Variants in SMYD3 observed in about 807,000 individuals in gnomAD.
The protein encoded by SMYD3 is histone-lysine N-methyltransferase SMYD3.
SMYD3 carries 36 observed loss-of-function variants against 57.7 expected under a neutral mutation model. The observed-to-expected ratio is 0.62, with a 90% CI of 0.48 to 0.82. The LOEUF (loss-of-function observed/expected upper bound fraction) is 0.82. Ranked by LOEUF, SMYD3 falls within the 40% of genes least tolerant of loss-of-function variation. SMYD3 has a pLI of 0.00. For missense variants in SMYD3, 515 were observed against 538.8 expected (o/e 0.96, Z 0.44); for synonymous variants, 211 against 195.0 (o/e 1.08, Z -0.68).
At chr1:245,865,063 T>C (rs1054858372) in intron 8 of SMYD3, among the ~76,000 whole-genome samples, 7 of 152,234 alleles carry the variant, frequency 4.6e-5, no homozygotes, top group Admixed American at 2.0e-4. Flanking sequence ...CACATAGTAG[T>C]TGCTTACTCA....
chr1:246,059,113 T>C (rs1359607134), intron 5 of SMYD3, among the ~76,000 whole-genome samples: 28 of 152,166 alleles, frequency 1.8e-4, no homozygotes, highest in Non-Finnish European at 2.9e-5. Context: ...CCTGACCTTG[T>C]GATCCGCCTG....
At chr1:245,927,877 G>C in intron 7 of SMYD3, 54 bp downstream of exon 7, 1 of 1,437,406 alleles carries the variant, frequency 7.0e-7, no homozygotes, top group Admixed American at 1.7e-5. Context: ...GGGCCGAGCT[G>C]AGAGGGTCTT....
intron 1 of SMYD3, among the ~76,000 whole-genome samples, chr1:246,376,493 A>G (rs2066279440): frequency 6.8e-6 from 1 of 147,828 alleles, no homozygotes; most frequent in Non-Finnish European, 1.5e-5. Flanking sequence ...TGGGAGGCTG[A>G]GGCAGGAGAA....
Position 246,382,668 on chromosome 1 carries a change from C to T in SMYD3, c.165-27574G>A, listed in dbSNP as rs537773703. Among the ~76,000 whole-genome samples, 265 of 152,034 alleles carry T rather than the reference C, an allele frequency of 1.7e-3. 1 individual carries two copies. The highest frequency in any genetic ancestry group is 3.4e-3 in the Non-Finnish European group (234 of 67,976). ...TCAACCCTAGTGCCAGGTTGCCCCA[C>T]AGATCCAGGCTCTAGGATTGCCCCT... On this transcript the variant is annotated intron_variant, in intron 1 of 11. Coordinates refer to ENST00000490107, the MANE Select transcript of SMYD3 (RefSeq NM_001167740.2).
Position 246,507,212 on chromosome 1 carries a change from C to T in SMYD3, c.6G>A (p.Glu2=), listed in dbSNP as rs1285133583. 6.6e-7 allele frequency: 1 copy of T among 1,518,194 alleles called. No individual in the cohort carries two copies. The highest frequency in any genetic ancestry group is 8.8e-7 in the Non-Finnish European group (1 of 1,131,246). 94.0% of individuals were successfully genotyped at this position (1,518,194 alleles called of 1,614,324 possible). M[E]PLKVEKFATA... is the part of the protein sequence containing the mutation. ...TTGCGAACTTTTCCACCTTCAGCGGCTCCATCCTCCCGCAGCTCCGGCACC... is the reference window on the plus strand; with the variant it reads ...TTGCGAACTTTTCCACCTTCAGCGGTTCCATCCTCCCGCAGCTCCGGCACC... The change falls in exon 1 of 12, where the codon GAG becomes GAA. Residue 2 remains glutamate (E), a synonymous_variant. Transcript: ENST00000490107.
At chr1:246,451,537 C>G (rs1156273443) in intron 1 of SMYD3, among the ~76,000 whole-genome samples, 5 of 152,162 alleles carry the variant, frequency 3.3e-5, no homozygotes, top group Admixed American at 6.5e-5. Flanking sequence ...GGAAATTACT[C>G]TATGATATGA....
intron 11 of SMYD3, among the ~76,000 whole-genome samples, chr1:245,761,775 C>T (rs2817509): frequency 0.37 from 54,711 of 147,100 alleles, 11,842 homozygotes; most frequent in East Asian, 0.64. Context: ...ATTGTACACA[C>T]CATATTGAGT....
At chr1:246,169,454 TAAGA>T (rs2148236588) in intron 5 of SMYD3, among the ~76,000 whole-genome samples, 1 of 145,348 alleles carries the variant, frequency 6.9e-6, no homozygotes, top group South Asian at 2.2e-4. Context: ...CTGGACTATC[TAAGA>T]AACAAAATAA....
chr1:246,431,546 A>G (rs769772981), intron 1 of SMYD3, among the ~76,000 whole-genome samples: 2 of 152,176 alleles, frequency 1.3e-5, no homozygotes, highest in Non-Finnish European at 2.9e-5. Context: ...CCTGGCCAAC[A>G]TGGTGAAACC....
intron 5 of SMYD3, among the ~76,000 whole-genome samples, chr1:246,196,188 T>C (rs12161271): frequency 0.015 from 2,282 of 151,228 alleles, 60 homozygotes; most frequent in East Asian, 0.07. Flanking sequence ...ATACATCTGA[T>C]ATGGTCTCCT....
chr1:246,027,542 A>C (rs1040781612), intron 5 of SMYD3, among the ~76,000 whole-genome samples: 2 of 152,174 alleles, frequency 1.3e-5, no homozygotes, highest in African/African-American at 4.8e-5. Flanking sequence ...ATGTTCTACC[A>C]ATGTAATAAC....
At chr1:245,961,899 A>G (rs1035133889) in intron 5 of SMYD3, among the ~76,000 whole-genome samples, 1 of 152,180 alleles carries the variant, frequency 6.6e-6, no homozygotes, top group East Asian at 1.9e-4. Flanking sequence ...CTGCCGGATA[A>G]AAGTTTTTTG....
intron 5 of SMYD3, among the ~76,000 whole-genome samples, chr1:246,105,669 T>TG (rs1305771998): frequency 6.6e-6 from 1 of 152,136 alleles, no homozygotes; most frequent in East Asian, 1.9e-4. Flanking sequence ...CTAAGAACAA[T>TG]GGGCTGATGA....
In SMYD3 at chr1:246,502,533, C is replaced by T. The variant is rs572950275; in HGVS notation, c.164+4521G>A. ...CATGAATATCTACTCTAATAAATAT[C>T]CAGGAAATTTAAAACTTGTCAAACA... On this transcript the variant is annotated intron_variant, in intron 1 of 11. Transcript: ENST00000490107. 1.4e-3 allele frequency among the ~76,000 whole-genome samples: 207 copies of T among 152,200 alleles called. 1 individual carries two copies. Among genetic ancestry groups the T allele is most frequent in the Non-Finnish European group, 2.1e-3 (140 of 68,012 alleles).
chr1:246,253,734 G>T (rs954254546), intron 5 of SMYD3, among the ~76,000 whole-genome samples: 1 of 152,176 alleles, frequency 6.6e-6, no homozygotes, highest in Non-Finnish European at 1.5e-5. Flanking sequence ...AATGAGACTG[G>T]ATTCATTATT....
chr1:245,831,397 C>G (rs2049825654), intron 10 of SMYD3, among the ~76,000 whole-genome samples: 1 of 152,212 alleles, frequency 6.6e-6, no homozygotes, highest in South Asian at 2.1e-4. Flanking sequence ...GGTCCTCTCA[C>G]ACCCTCAGAC....
At chr1:245,895,780 CAA>C (rs2053738080) in intron 8 of SMYD3, among the ~76,000 whole-genome samples, 1 of 152,244 alleles carries the variant, frequency 6.6e-6, no homozygotes, top group Admixed American at 6.5e-5. Context: ...AGCACCAGCA[CAA>C]AGTCATTTCT....
intron 1 of SMYD3, among the ~76,000 whole-genome samples, chr1:246,486,844 GC>G (rs1237622947): frequency 6.6e-6 from 1 of 152,136 alleles, no homozygotes; most frequent in Non-Finnish European, 1.5e-5. Flanking sequence ...GATGATCAAA[GC>G]AATGGTATAG....
chr1:246,420,557 T>G (rs78331599), intron 1 of SMYD3, among the ~76,000 whole-genome samples: 12,024 of 152,276 alleles, frequency 0.079, 545 homozygotes, highest in Middle Eastern at 0.2. Flanking sequence ...CAAGAATTCA[T>G]GACCTTATCT....
Sources: gnomAD v4.1 joint callset for allele counts (sites outside exome capture counted in the v4.1 genomes callset) on GRCh38, gnomAD v4.1.1 for gene constraint, MANE v1.5 for transcripts, NCBI Gene and HGNC (gene_info 2026-07-23, HGNC 2026-07-21) for gene names.